Variants in COG5 observed in about 807,000 individuals in gnomAD.
COG5 encodes the protein conserved oligomeric Golgi complex subunit 5.
Under a neutral mutation model 110.4 loss-of-function variants are expected in COG5, and 86 were observed. That is an observed-to-expected ratio of 0.78 (90% CI 0.65 to 0.93). The LOEUF is 0.93. Ranked by LOEUF, COG5 falls within the 40% of genes least tolerant of loss-of-function variation. The probability of loss-of-function intolerance (pLI) is 0.00; values close to 1 mark genes in which losing one functional copy is unlikely to be tolerated. For synonymous variants in COG5, 360 were observed against 334.6 expected (o/e 1.08, Z -0.83); for missense variants, 1,077 against 987.0 (o/e 1.09, Z -1.22).
At chr7:107,361,095 T>C (rs1562988796) in intron 10 of COG5, among the ~76,000 whole-genome samples, 2 of 152,212 alleles carry the variant, frequency 1.3e-5, no homozygotes, top group Non-Finnish European at 2.9e-5. Context: ...AAATTACCTA[T>C]ACCATAACAC....
At position 107,527,374 on chromosome 7, in the gene COG5, AT is replaced by A; in HGVS notation, c.418-18del. ...ACAGGCAACCTGTGCAAACATCACA[AT>A]GTTAAGTTAGTTGATCCATGAAGTT... On this transcript the variant is annotated intron_variant, in intron 5 of 21. Transcript: ENST00000297135. The A allele has an allele frequency of 6.2e-7, 1 of 1,612,424 alleles. No individual in the cohort carries two copies. The highest frequency in any genetic ancestry group is 8.5e-7 in the Non-Finnish European group (1 of 1,179,534).
At chr7:107,500,310 G>A (rs1798556429) in intron 6 of COG5, among the ~76,000 whole-genome samples, 2 of 152,172 alleles carry the variant, frequency 1.3e-5, no homozygotes, top group Admixed American at 1.3e-4. Flanking sequence ...ATAAACTTGA[G>A]AAGTGAACAA....
At chr7:107,412,432 A>G (rs1313057964) in intron 7 of COG5, 70 bp downstream of exon 7, 2 of 1,467,688 alleles carry the variant, frequency 1.4e-6, no homozygotes, top group East Asian at 4.5e-5. Flanking sequence ...ACTTTTTTGA[A>G]CTCAAAGTCA....
intron 5 of COG5, among the ~76,000 whole-genome samples, chr7:107,531,366 T>A (rs969540621): frequency 7.9e-5 from 12 of 152,324 alleles, no homozygotes; most frequent in African/African-American, 2.9e-4. Flanking sequence ...TCTCTCTTTT[T>A]GTGTTGAGTA....
At chr7:107,272,044 A>G (rs1804318465) in intron 14 of COG5, among the ~76,000 whole-genome samples, 1 of 152,144 alleles carries the variant, frequency 6.6e-6, no homozygotes, top group Non-Finnish European at 1.5e-5. Context: ...CCAGGTATCT[A>G]TCAGTTATTT....
At chr7:107,529,005 C>A (rs1800976298) in intron 5 of COG5, among the ~76,000 whole-genome samples, 1 of 69,566 alleles carries the variant, frequency 1.4e-5, no homozygotes, top group Non-Finnish European at 2.4e-5. Flanking sequence ...TTCAGAGAAA[C>A]TAATCTGAAA....
chr7:107,474,171 G>A lies in COG5; in HGVS notation c.538+53066C>T, dbSNP rs1796828564. 7 of 1,612,066 alleles carry A rather than the reference G, an allele frequency of 4.3e-6. No individual in the cohort carries two copies. The highest frequency in any genetic ancestry group is 2.2e-5 in the South Asian group (2 of 91,042). On this transcript the variant is annotated intron_variant, in intron 6 of 21. Coordinates refer to ENST00000297135, the MANE Select transcript of COG5 (RefSeq NM_006348.5). The surrounding 1 kb of genome is among the most constrained non-coding windows in gnomAD (Gnocchi z 5.7). ...ATATGTACCAACCACTATCATATCC[G>A]TTAAGCTTTCAAGTGTCTCTCACCG...
intron 6 of COG5, among the ~76,000 whole-genome samples, chr7:107,485,794 A>C (rs962955296): frequency 7.9e-5 from 12 of 152,220 alleles, no homozygotes; most frequent in Admixed American, 6.5e-5. Flanking sequence ...AGATAAGATA[A>C]ATATGCCAAC....
chr7:107,499,077 CA>C (rs1320471979), intron 6 of COG5, among the ~76,000 whole-genome samples: 8 of 152,078 alleles, frequency 5.3e-5, no homozygotes, highest in African/African-American at 1.9e-4. Context: ...ATTCCACTGA[CA>C]TAAGGTATCT....
At chr7:107,448,871 T>C (rs1039574497) in intron 6 of COG5, among the ~76,000 whole-genome samples, 3 of 152,232 alleles carry the variant, frequency 2.0e-5, no homozygotes, top group South Asian at 2.1e-4. Context: ...GAAAAATATA[T>C]GTCATGAATA....
In COG5 at chr7:107,558,251, C is replaced by G. The variant is rs541580778; in HGVS notation, c.95-136G>C. The G allele has an allele frequency of 7.2e-5, 58 of 804,726 alleles. 1 individual carries two copies. In the East Asian group the frequency reaches 1.5e-3, roughly 21 times the overall value. 49.8% of individuals were successfully genotyped at this position (804,726 alleles called of 1,614,324 possible). A position where few individuals can be genotyped will look rare whatever the true frequency, so the allele number is the denominator to read the frequency against. ...AACCACTCCACTATACTGCTTAATGCTTACTTTTATCATGACCCTAAAGGA... is the reference window on the plus strand; with the variant it reads ...AACCACTCCACTATACTGCTTAATGGTTACTTTTATCATGACCCTAAAGGA... On this transcript the variant is annotated intron_variant, in intron 1 of 21. Transcript: ENST00000297135.
In COG5 at chr7:107,414,703, C is replaced by CTT. The variant is rs530323655; in HGVS notation, c.539-2073_539-2072dup. ...ATTGATTCCAAAATCCTCACTGTCC[C>CTT]TTTTTTTTTTTTTTTTTTTTTTTTT... On this transcript the variant is annotated intron_variant, in intron 6 of 21. Transcript: ENST00000297135. Among the ~76,000 whole-genome samples, 58 of 61,706 alleles carry CTT rather than the reference C, an allele frequency of 9.4e-4. 6 individuals carry two copies. The highest frequency in any genetic ancestry group is 2.8e-3 in the East Asian group (7 of 2,484). The allele number at this position is 61,706 out of a possible 152,430, so 40.5% of individuals were successfully genotyped here.
intron 12 of COG5, among the ~76,000 whole-genome samples, chr7:107,284,691 T>C (rs186448235): frequency 2.0e-5 from 3 of 152,336 alleles, no homozygotes; most frequent in Admixed American, 1.3e-4. Context: ...ACTTCCCATA[T>C]CTTTAATAAT....
intron 11 of COG5, among the ~76,000 whole-genome samples, chr7:107,311,361 C>T (rs116853896): frequency 6.2e-5 from 8 of 128,278 alleles, no homozygotes; most frequent in Non-Finnish European, 1.0e-4. Context: ...TGATATCGAG[C>T]GTATTTACAT....
chr7:107,372,770 A>C lies in COG5; in HGVS notation c.670-10T>G, dbSNP rs1254179347. 23 of 1,613,278 alleles carry C rather than the reference A, an allele frequency of 1.4e-5. No individual in the cohort carries two copies. Among genetic ancestry groups the C allele is most frequent in the Non-Finnish European group, 1.9e-5 (23 of 1,179,568 alleles). On this transcript the variant is annotated splice_polypyrimidine_tract_variant and intron_variant, in intron 7 of 21. Coordinates refer to ENST00000297135, the MANE Select transcript of COG5 (RefSeq NM_006348.5). Reference sequence around the variant, plus strand: ...CGACTTGAGTTGGATTCTTAAAAAAAGGTGGGGTGGGGTGGAAACAGATAT... The same window carrying C: ...CGACTTGAGTTGGATTCTTAAAAAACGGTGGGGTGGGGTGGAAACAGATAT...
chr7:107,348,730 T>G (rs899664706), intron 10 of COG5, among the ~76,000 whole-genome samples: 14 of 152,226 alleles, frequency 9.2e-5, no homozygotes, highest in Admixed American at 6.5e-4. Flanking sequence ...CATCTTCATT[T>G]TATGTGTCTC....
intron 7 of COG5, among the ~76,000 whole-genome samples, chr7:107,409,548 T>A (rs1792123674): frequency 6.6e-6 from 1 of 152,210 alleles, no homozygotes; most frequent in African/African-American, 2.4e-5. Context: ...AGGAAATAGT[T>A]ACATAATAAG....
intron 6 of COG5, among the ~76,000 whole-genome samples, chr7:107,524,928 T>G (rs919229674): frequency 6.6e-6 from 1 of 152,050 alleles, no homozygotes; most frequent in African/African-American, 2.4e-5. Flanking sequence ...TTTGTGGGGT[T>G]TTTTGTTTGT....
intron 21 of COG5, chr7:107,209,596 T>TAAGG (rs202118609): frequency 0.015 from 2,346 of 161,026 alleles, 239 homozygotes; most frequent in Admixed American, 0.14. Flanking sequence ...TGATAGCATT[T>TAAGG]AAGGAATGGC....
Sources: allele counts gnomAD v4.1 joint callset (sites outside exome capture counted in the v4.1 genomes callset), GRCh38; gene constraint gnomAD v4.1.1; non-coding constraint Gnocchi (gnomAD v3.1); transcripts MANE v1.5; gene names NCBI Gene and HGNC (gene_info 2026-07-23, HGNC 2026-07-21).